The following RPS6KC1 variants were observed in gnomAD, a reference collection of about 807,000 sequenced individuals.
RPS6KC1 encodes the protein inactive ribosomal protein S6 kinase delta-1.
In RPS6KC1, 54 loss-of-function variants were observed where a neutral mutation model predicts 103.8. The observed-to-expected ratio is 0.52, with a 90% CI of 0.42 to 0.65. The LOEUF is 0.65. Ranked by LOEUF, RPS6KC1 falls within the 30% of genes least tolerant of loss-of-function variation. The pLI is 0.00. For missense variants in RPS6KC1, 1,151 were observed against 1,253.8 expected (o/e 0.92, Z 1.24); for synonymous variants, 439 against 438.7 (o/e 1.00, Z -0.01).
the RPS6KC1 span, among the ~76,000 whole-genome samples, chr1:213,476,497 C>T: frequency 6.6e-6 from 1 of 152,174 alleles, no homozygotes; most frequent in South Asian, 2.1e-4. Flanking sequence ...TGAAGAATTG[C>T]ACCTCCCCTT....
At chr1:213,109,235 C>G (rs2082777750) in intron 4 of RPS6KC1, among the ~76,000 whole-genome samples, 1 of 152,168 alleles carries the variant, frequency 6.6e-6, no homozygotes, top group African/African-American at 2.4e-5. Flanking sequence ...CTCCCGGGTT[C>G]ATGCCATTCT....
At chr1:213,789,853 T>A in the RPS6KC1 span, among the ~76,000 whole-genome samples, 1 of 152,226 alleles carries the variant, frequency 6.6e-6, no homozygotes, top group Non-Finnish European at 1.5e-5. Context: ...GACTTTTGAA[T>A]AAGTCAAATG....
chr1:213,861,605 C>A, the RPS6KC1 span, among the ~76,000 whole-genome samples: 2 of 152,200 alleles, frequency 1.3e-5, no homozygotes, highest in African/African-American at 4.8e-5. Flanking sequence ...CCATTCCAAG[C>A]CACCTCTGCA....
At chr1:213,787,423 G>T in the RPS6KC1 span, among the ~76,000 whole-genome samples, 8 of 152,134 alleles carry the variant, frequency 5.3e-5, no homozygotes, top group African/African-American at 9.7e-5. Context: ...TGAAAAGATG[G>T]AGTGAGCCAG....
the RPS6KC1 span, among the ~76,000 whole-genome samples, chr1:213,390,777 A>G: frequency 6.6e-6 from 1 of 152,150 alleles, no homozygotes; most frequent in East Asian, 1.9e-4. Flanking sequence ...TTGCCTGGAA[A>G]TATTGCTTCC....
chr1:213,845,887 C>T, the RPS6KC1 span, among the ~76,000 whole-genome samples: 2 of 152,136 alleles, frequency 1.3e-5, no homozygotes, highest in African/African-American at 4.8e-5. Context: ...AAGCTAATTC[C>T]TCCCTGTAGA....
chr1:213,380,733 T>A, the RPS6KC1 span, among the ~76,000 whole-genome samples: 1 of 152,194 alleles, frequency 6.6e-6, no homozygotes, highest in African/African-American at 2.4e-5. Flanking sequence ...GGAAATGTGC[T>A]GCGGGGTGAA....
chr1:213,071,270 C>T (rs192892278), intron 2 of RPS6KC1, among the ~76,000 whole-genome samples: 7 of 152,266 alleles, frequency 4.6e-5, no homozygotes, highest in Admixed American at 4.6e-4. Context: ...GCTGGAATTA[C>T]AGGCATCTGC....
chr1:213,151,094 G>T (rs1232095975), intron 6 of RPS6KC1, among the ~76,000 whole-genome samples: 4 of 145,214 alleles, frequency 2.8e-5, no homozygotes, highest in Non-Finnish European at 4.6e-5. Flanking sequence ...CTCACCTCCC[G>T]GATGGGGGGG....
Position 213,241,153 on chromosome 1 carries a change from C to G in RPS6KC1, c.1677C>G (p.Asp559Glu). 1 of 1,613,878 alleles carries G rather than the reference C, an allele frequency of 6.2e-7. No individual in the cohort carries two copies. The highest frequency in any genetic ancestry group is 8.5e-7 in the Non-Finnish European group (1 of 1,179,908). The change falls in exon 11 of 15, where the codon GAC becomes GAG. Residue 559 changes from aspartate to glutamate, a missense_variant. Coordinates refer to ENST00000366960, the MANE Select transcript of RPS6KC1 (RefSeq NM_012424.6). The part of the protein sequence containing the change: ...SFPAHLAADS[D>E]SPSTQLRAHE... ...CAGCACACCTTGCTGCTGACAGTGA[C>G]AGCCCCAGCACACAGCTGAGAGCTC...
chr1:213,223,335 A>G (rs982857698), intron 8 of RPS6KC1, among the ~76,000 whole-genome samples: 7 of 152,172 alleles, frequency 4.6e-5, no homozygotes, highest in Admixed American at 1.3e-4. Context: ...ACTGTACCCA[A>G]TACGTAGTAT....
At chr1:213,504,257 T>A in the RPS6KC1 span, among the ~76,000 whole-genome samples, 1 of 152,228 alleles carries the variant, frequency 6.6e-6, no homozygotes, top group Non-Finnish European at 1.5e-5. Context: ...ATTATATTTC[T>A]TTCTCAAATA....
chr1:213,516,286 G>T, the RPS6KC1 span, among the ~76,000 whole-genome samples: 1 of 152,116 alleles, frequency 6.6e-6, no homozygotes, highest in Admixed American at 6.5e-5. Context: ...AGTGGTGAGA[G>T]AGGGCATCCC....
the RPS6KC1 span, among the ~76,000 whole-genome samples, chr1:213,484,884 A>G: frequency 6.6e-6 from 1 of 152,140 alleles, no homozygotes; most frequent in African/African-American, 2.4e-5. Flanking sequence ...TTGTTTTGAG[A>G]CAGGATCTTA....
the RPS6KC1 span, among the ~76,000 whole-genome samples, chr1:213,355,754 C>G: frequency 1.3e-5 from 2 of 152,110 alleles, no homozygotes; most frequent in African/African-American, 4.8e-5. Flanking sequence ...GCGGCAACAC[C>G]TCAGAGATGT....
At chr1:213,620,726 G>T in the RPS6KC1 span, among the ~76,000 whole-genome samples, 3 of 152,106 alleles carry the variant, frequency 2.0e-5, no homozygotes, top group Admixed American at 2.0e-4. Context: ...GTAAAGAAAT[G>T]GAGACACAGT....
At chr1:213,504,902 G>A in the RPS6KC1 span, among the ~76,000 whole-genome samples, 1 of 151,998 alleles carries the variant, frequency 6.6e-6, no homozygotes, top group African/African-American at 2.4e-5. Context: ...ATTGTAACTT[G>A]TCTGATATGA....
chr1:213,285,327 C>T, the RPS6KC1 span, among the ~76,000 whole-genome samples: 1 of 116,512 alleles, frequency 8.6e-6, no homozygotes, highest in East Asian at 2.6e-4. Context: ...AAGGCCCCAT[C>T]TCCTAATGCT....
the RPS6KC1 span, among the ~76,000 whole-genome samples, chr1:213,718,721 C>T: frequency 2.6e-5 from 4 of 152,222 alleles, no homozygotes; most frequent in Admixed American, 1.3e-4. Flanking sequence ...GTTTCTTGAA[C>T]GGCTTGTTCT....
Sources: allele counts gnomAD v4.1 joint callset (sites outside exome capture counted in the v4.1 genomes callset), GRCh38; gene constraint gnomAD v4.1.1; transcripts MANE v1.5; gene names NCBI Gene and HGNC (gene_info 2026-07-23, HGNC 2026-07-21).